Variants in NKAIN3 observed in about 807,000 individuals in gnomAD.
NKAIN3 encodes the protein sodium/potassium-transporting ATPase subunit beta-1-interacting protein 3.
NKAIN3 carries 25 observed loss-of-function variants against 30.2 expected under a neutral mutation model. The observed-to-expected ratio is 0.83, with a 90% CI of 0.60 to 1.16. The LOEUF (loss-of-function observed/expected upper bound fraction) is 1.16. Among genes scored for constraint, NKAIN3 ranks in the 50% most tolerant of loss-of-function variants. The pLI, the probability that NKAIN3 is intolerant of heterozygous loss-of-function variation, is 0.00. For missense variants in NKAIN3, 225 were observed against 254.1 expected, an observed-to-expected ratio of 0.89 and a Z score of 0.78; for synonymous variants, 91 against 89.6, an observed-to-expected ratio of 1.02 and a Z score of -0.09.
intron 3 of NKAIN3, among the ~76,000 whole-genome samples, chr8:62,676,714 CT>C (rs5891868): frequency 0.17 from 24,077 of 138,294 alleles, 2,069 homozygotes; most frequent in African/African-American, 0.27. Flanking sequence ...TAATAACAGT[CT>C]TTTTTTTTTT....
At chr8:62,455,129 G>C (rs1211804156) in intron 1 of NKAIN3, among the ~76,000 whole-genome samples, 2 of 152,126 alleles carry the variant, frequency 1.3e-5, no homozygotes, top group African/African-American at 4.8e-5. Context: ...AAATTCTGGG[G>C]GATGTCCCTA....
At chr8:62,468,058 C>T (rs2129599869) in intron 1 of NKAIN3, among the ~76,000 whole-genome samples, 1 of 152,232 alleles carries the variant, frequency 6.6e-6, no homozygotes, top group Middle Eastern at 3.4e-3. Context: ...TTAACCAGCA[C>T]ATTTTTCCTT....
intron 4 of NKAIN3, among the ~76,000 whole-genome samples, chr8:62,848,374 A>G (rs1309119851): frequency 6.6e-6 from 1 of 151,634 alleles, no homozygotes. Flanking sequence ...CTTCTTAAAA[A>G]TATCCTTCAT....
intron 5 of NKAIN3, among the ~76,000 whole-genome samples, chr8:62,932,193 G>A (rs1460320404): frequency 1.3e-5 from 2 of 152,134 alleles, no homozygotes; most frequent in African/African-American, 2.4e-5. Context: ...AACTTAAATA[G>A]CTAATTTTTC....
intron 1 of NKAIN3, among the ~76,000 whole-genome samples, chr8:62,546,256 T>C (rs899364074): frequency 6.6e-6 from 1 of 152,178 alleles, no homozygotes; most frequent in Non-Finnish European, 1.5e-5. Context: ...ACACCATCCA[T>C]ACTACAATCT....
chr8:62,853,010 G>T (rs1442163849), intron 4 of NKAIN3, among the ~76,000 whole-genome samples: 1 of 152,114 alleles, frequency 6.6e-6, no homozygotes, highest in Non-Finnish European at 1.5e-5. Context: ...GAATATCCTT[G>T]TTAACATTCT....
intron 1 of NKAIN3, among the ~76,000 whole-genome samples, chr8:62,320,693 A>G (rs1585676202): frequency 1.3e-5 from 2 of 152,240 alleles, no homozygotes. Flanking sequence ...AGTTTCTGCC[A>G]AGAGATCAGC....
At chr8:62,742,181 T>C (rs1487737387) in intron 3 of NKAIN3, among the ~76,000 whole-genome samples, 2 of 151,990 alleles carry the variant, frequency 1.3e-5, no homozygotes, top group Admixed American at 6.6e-5. Context: ...AATTCTTAAA[T>C]AGGTGGCTTA....
At chr8:62,853,993 G>A (rs773585361) in intron 4 of NKAIN3, among the ~76,000 whole-genome samples, 4 of 152,102 alleles carry the variant, frequency 2.6e-5, no homozygotes, top group South Asian at 2.1e-4. Context: ...TTCAGTTTCA[G>A]TGTAGTCATA....
intron 1 of NKAIN3, among the ~76,000 whole-genome samples, chr8:62,524,430 G>A (rs1035544463): frequency 6.6e-6 from 1 of 152,024 alleles, no homozygotes; most frequent in African/African-American, 2.4e-5. Flanking sequence ...GGAGTAACTC[G>A]ACCAAATGGC....
At chr8:62,694,837 GA>G (rs948898824) in intron 3 of NKAIN3, among the ~76,000 whole-genome samples, 12 of 152,000 alleles carry the variant, frequency 7.9e-5, no homozygotes, top group African/African-American at 2.4e-4. Flanking sequence ...GCTTTCCCCA[GA>G]AAAAAACCAC....
At chr8:62,901,004 C>T (rs757390837) in intron 4 of NKAIN3, among the ~76,000 whole-genome samples, 6 of 152,066 alleles carry the variant, frequency 3.9e-5, no homozygotes, top group Non-Finnish European at 8.8e-5. Context: ...CCCTTGAATC[C>T]CTGCCACCCA....
At chr8:62,333,579 T>C (rs145645692) in intron 1 of NKAIN3, among the ~76,000 whole-genome samples, 1 of 152,140 alleles carries the variant, frequency 6.6e-6, no homozygotes, top group African/African-American at 2.4e-5. Flanking sequence ...AATAATCACT[T>C]TAGAGGGAGA....
chr8:62,987,901 G>A (rs925853612), downstream of NKAIN3, among the ~76,000 whole-genome samples: 3 of 152,158 alleles, frequency 2.0e-5, no homozygotes, highest in Non-Finnish European at 4.4e-5. Context: ...CTCTGCCTAT[G>A]AGACTGTAAA....
chr8:62,956,167 G>A (rs1823412183), intron 6 of NKAIN3, among the ~76,000 whole-genome samples: 1 of 152,034 alleles, frequency 6.6e-6, no homozygotes. Context: ...CTTTTAATAA[G>A]CCCGTTATAT....
intron 3 of NKAIN3, among the ~76,000 whole-genome samples, chr8:62,680,006 A>C (rs1813601667): frequency 6.6e-6 from 1 of 152,200 alleles, no homozygotes; most frequent in Non-Finnish European, 1.5e-5. Context: ...GAATGTCTTC[A>C]GCTGGGAGGA....
intron 4 of NKAIN3, among the ~76,000 whole-genome samples, chr8:62,810,959 A>T (rs1370986846): frequency 6.6e-6 from 1 of 152,130 alleles, no homozygotes; most frequent in African/African-American, 2.4e-5. Context: ...TACAACCAGG[A>T]TATTGACGTT....
intron 3 of NKAIN3, among the ~76,000 whole-genome samples, chr8:62,621,941 C>A (rs1049606669): frequency 2.6e-5 from 4 of 152,046 alleles, no homozygotes; most frequent in African/African-American, 9.7e-5. Context: ...CCTTTTATAA[C>A]CACACATAAT....
At chr8:62,596,786 G>T (rs182244862) in intron 3 of NKAIN3, among the ~76,000 whole-genome samples, 11 of 152,142 alleles carry the variant, frequency 7.2e-5, no homozygotes, top group Admixed American at 5.9e-4. Flanking sequence ...ACCTCTAAAA[G>T]GTCCCCTCGA....
Sources: gnomAD v4.1 joint callset for allele counts (sites outside exome capture counted in the v4.1 genomes callset) on GRCh38, gnomAD v4.1.1 for gene constraint, MANE v1.5 for transcripts, NCBI Gene and HGNC (gene_info 2026-07-23, HGNC 2026-07-21) for gene names.